The following GYPC variants were observed in gnomAD, a reference collection of about 807,000 sequenced individuals.
GYPC encodes the protein glycophorin C (Gerbich blood group).
A neutral mutation model predicts 12.6 loss-of-function variants in GYPC; 14 were observed. The observed-to-expected ratio is 1.11, with a 90% CI of 0.74 to 1.74. The LOEUF is 1.74. Among genes scored for constraint, GYPC ranks in the 40% most tolerant of loss-of-function variants. The pLI, the probability that GYPC is intolerant of heterozygous loss-of-function variation, is 0.00. For missense variants in GYPC, 225 were observed against 172.1 expected, an observed-to-expected ratio of 1.31 and a Z score of -1.72; for synonymous variants, 78 against 62.1, an observed-to-expected ratio of 1.26 and a Z score of -1.20.
At chr2:126,663,439 C>A (rs1180095597) in intron 1 of GYPC, among the ~76,000 whole-genome samples, 1 of 152,196 alleles carries the variant, frequency 6.6e-6, no homozygotes, top group Non-Finnish European at 1.5e-5. Context: ...TGATGGGGAG[C>A]AAGCCTCTTA....
chr2:126,659,869 C>T (rs1472484000), intron 1 of GYPC, among the ~76,000 whole-genome samples: 1 of 151,470 alleles, frequency 6.6e-6, no homozygotes, highest in Non-Finnish European at 1.5e-5. Flanking sequence ...GCACCCTCCA[C>T]CTCCTCCACC....
At chr2:126,656,941 C>T (rs1419597393) in intron 1 of GYPC, among the ~76,000 whole-genome samples, 6 of 152,222 alleles carry the variant, frequency 3.9e-5, no homozygotes. Context: ...GGAAACATTG[C>T]TGGGCCTCTC....
Position 126,659,253 on chromosome 2 carries a change from G to A in GYPC, c.49+2941G>A, listed in dbSNP as rs190309870. 2.5e-4 allele frequency among the ~76,000 whole-genome samples: 38 copies of A among 152,250 alleles called. No individual in the cohort carries two copies. The East Asian group carries it at 6.0e-3, about 24-fold the overall frequency. Reference sequence around the variant, plus strand: ...TCCATAAGAGGTTGTATTACTTTTCGGGGAAGTGTCGGTTGATGCTTTTGT... The same window carrying A: ...TCCATAAGAGGTTGTATTACTTTTCAGGGAAGTGTCGGTTGATGCTTTTGT... On this transcript the variant is annotated intron_variant, in intron 1 of 3. Coordinates refer to ENST00000259254, the MANE Select transcript of GYPC (RefSeq NM_002101.5).
intron 1 of GYPC, among the ~76,000 whole-genome samples, chr2:126,682,967 G>A (rs1338784156): frequency 2.0e-5 from 3 of 152,126 alleles, no homozygotes; most frequent in African/African-American, 7.2e-5. Flanking sequence ...TGTCTGCTGG[G>A]GGTCAGGCTG....
In GYPC at chr2:126,696,046, G is replaced by C. The variant is rs747401272; in HGVS notation, c.291G>C (p.Lys97Asn). The C allele has an allele frequency of 8.7e-6, 14 of 1,614,164 alleles. No individual in the cohort carries two copies. The East Asian group carries it at 2.9e-4, about 33-fold the overall frequency. ...GCACGTACCACACCAATGAGGCCAA[G>C]GGCACGGAGTTTGCTGAGAGTGCAG... is the stretch of plus-strand genomic sequence containing the variant. Reference protein sequence around the residue: ...HKGTYHTNEAKGTEFAESADA... With the variant: ...HKGTYHTNEANGTEFAESADA... Residue 97 changes from lysine (K) to asparagine (N), a missense_variant, in exon 4 of 4, where the codon AAG becomes AAC. Transcript: ENST00000259254.
chr2:126,692,820 G>A (rs1683513030), intron 2 of GYPC, among the ~76,000 whole-genome samples: 3 of 144,432 alleles, frequency 2.1e-5, no homozygotes, highest in Non-Finnish European at 4.5e-5. Context: ...AGGAGCCCTG[G>A]GAAGGGCTTC....
At chr2:126,692,692 G>T (rs116776400) in intron 2 of GYPC, among the ~76,000 whole-genome samples, 2,278 of 152,186 alleles carry the variant, frequency 0.015, 57 homozygotes, top group African/African-American at 0.052. Context: ...TCTTTGGCCA[G>T]GTCATTAAGC....
chr2:126,690,257 C>T lies in GYPC; in HGVS notation c.52C>T (p.Pro18Ser), dbSNP rs1265129763. The stretch of plus-strand genomic sequence containing the variant: ...AGATTCTTGTCCTCTGTTCACAGAG[C>T]CTGATCCGGGGATGGCCTCTGCCTC... The part of the protein sequence containing the change: ...NSTAWPLSLE[P>S]DPGMASASTT... The change falls in exon 2 of 4, where the codon CCT (proline) becomes TCT (serine). Residue 18 changes from proline to serine, a missense_variant and splice_region_variant. By Grantham distance (74) the Pro-to-Ser change is moderately conservative. Coordinates refer to ENST00000259254, the MANE Select transcript of GYPC (RefSeq NM_002101.5). 6.2e-7 allele frequency: 1 copy of T among 1,611,178 alleles called. No homozygotes were observed. The highest frequency in any genetic ancestry group is 8.5e-7 in the Non-Finnish European group (1 of 1,177,414).
chr2:126,656,912 A>G (rs1682380355), intron 1 of GYPC, among the ~76,000 whole-genome samples: 1 of 152,224 alleles, frequency 6.6e-6, no homozygotes, highest in South Asian at 2.1e-4. Flanking sequence ...ATCTGTGATG[A>G]AAGTCTTTGT....
At chr2:126,679,348 A>G (rs900945971) in intron 1 of GYPC, among the ~76,000 whole-genome samples, 2 of 152,198 alleles carry the variant, frequency 1.3e-5, no homozygotes, top group Non-Finnish European at 2.9e-5. Flanking sequence ...GATAAATGAC[A>G]GTCATTAATG....
chr2:126,682,200 C>T (rs1192615640), intron 1 of GYPC, among the ~76,000 whole-genome samples: 2 of 152,244 alleles, frequency 1.3e-5, no homozygotes, highest in East Asian at 3.9e-4. Context: ...GTACCCCAAA[C>T]ACCTATTTTT....
intron 1 of GYPC, among the ~76,000 whole-genome samples, chr2:126,688,168 T>G (rs1558890573): frequency 6.6e-6 from 1 of 152,296 alleles, no homozygotes; most frequent in East Asian, 1.9e-4. Context: ...ATTAACTGTT[T>G]TAAAGGAAGG....
At chr2:126,688,637 G>T (rs28387194) in intron 1 of GYPC, among the ~76,000 whole-genome samples, 9 of 152,060 alleles carry the variant, frequency 5.9e-5, no homozygotes, top group Non-Finnish European at 1.3e-4. Context: ...GTCTCTTGGC[G>T]GCCTCAGTGC....
intron 2 of GYPC, among the ~76,000 whole-genome samples, chr2:126,691,437 C>G (rs1330160195): frequency 6.6e-6 from 1 of 152,102 alleles, no homozygotes; most frequent in Non-Finnish European, 1.5e-5. Flanking sequence ...TACCCTCTCC[C>G]ACTTCAGTCC....
At position 126,696,294 on chromosome 2, in the gene GYPC, C is replaced by T. The variant is rs1683643283; in HGVS notation, c.*152C>T. The T allele has an allele frequency of 2.8e-6, 2 of 709,080 alleles. No individual in the cohort carries two copies. The highest frequency in any genetic ancestry group is 5.1e-6 in the Non-Finnish European group (2 of 395,828). 43.9% of individuals were successfully genotyped at this position (709,080 alleles called of 1,614,324 possible). A position where few individuals can be genotyped will look rare whatever the true frequency, so the allele number is the denominator to read the frequency against. ...GCCACCTGGAAACACTAGGTGCCTG[C>T]CCAGGGAGGAACGGAGGAGGACTCG... On this transcript the variant is annotated 3_prime_UTR_variant, in exon 4 of 4. Coordinates refer to ENST00000259254, the MANE Select transcript of GYPC (RefSeq NM_002101.5).
At chr2:126,678,599 G>A (rs561822497) in intron 1 of GYPC, 2 of 152,734 alleles carry the variant, frequency 1.3e-5, no homozygotes, top group Non-Finnish European at 2.9e-5. Flanking sequence ...TCTAGGGAAT[G>A]AGGAGAAGCG....
chr2:126,687,388 C>T (rs1339457645), intron 1 of GYPC, among the ~76,000 whole-genome samples: 1 of 152,158 alleles, frequency 6.6e-6, no homozygotes, highest in Non-Finnish European at 1.5e-5. Context: ...TGGGCTGGGG[C>T]CTGAGAATTT....
In GYPC at chr2:126,682,438, G is replaced by C. The variant is rs28369991; in HGVS notation, c.50-7817G>C. On this transcript the variant is annotated intron_variant, in intron 1 of 3. Coordinates refer to ENST00000259254, the MANE Select transcript of GYPC (RefSeq NM_002101.5). The stretch of plus-strand genomic sequence containing the variant: ...GCACCAGGCATGGGGGTAGACAGGG[G>C]ACACGCAGAAGGAATAGATTCTCCG... Among the ~76,000 whole-genome samples, 1,237 of 152,282 alleles carry C rather than the reference G, an allele frequency of 8.1e-3. 7 individuals are homozygous for C. The highest frequency in any genetic ancestry group is 0.015 in the Non-Finnish European group (994 of 68,022).
intron 1 of GYPC, among the ~76,000 whole-genome samples, chr2:126,687,175 G>C (rs573391681): frequency 2.0e-5 from 3 of 152,202 alleles, no homozygotes; most frequent in African/African-American, 7.2e-5. Context: ...GAAGTGGGGA[G>C]AGCTGCCTTA....
Sources: gnomAD v4.1 joint callset for allele counts (sites outside exome capture counted in the v4.1 genomes callset) on GRCh38, gnomAD v4.1.1 for gene constraint, MANE v1.5 for transcripts, NCBI Gene and HGNC (gene_info 2026-07-23, HGNC 2026-07-21) for gene names.